FYB2: variants seen among roughly 807,000 people sequenced by gnomAD.
The protein encoded by FYB2 is FYN binding protein 2.
Under a neutral mutation model 94.1 loss-of-function variants are expected in FYB2, and 103 were observed. The ratio of observed to expected loss-of-function variants is 1.09; its 90% CI spans 0.93 to 1.29. FYB2 has a LOEUF of 1.29. Among genes scored for constraint, FYB2 ranks in the 50% most tolerant of loss-of-function variants. The pLI is 0.00. For synonymous variants in FYB2, 293 were observed against 287.9 expected, an observed-to-expected ratio of 1.02 and a Z score of -0.18; for missense variants, 896 against 841.5, an observed-to-expected ratio of 1.06 and a Z score of -0.80.
intron 18 of FYB2, 27 bp downstream of exon 18, chr1:56,720,146 T>C: frequency 6.3e-7 from 1 of 1,593,586 alleles, no homozygotes; most frequent in South Asian, 1.1e-5. Flanking sequence ...GAATGAAATA[T>C]TATGAAAGAT....
At chr1:56,787,787 T>C (rs1646165934) in intron 3 of FYB2, among the ~76,000 whole-genome samples, 1 of 152,254 alleles carries the variant, frequency 6.6e-6, no homozygotes, top group Non-Finnish European at 1.5e-5. Context: ...GCCCATTTTA[T>C]GGCAAAAGAC....
chr1:56,763,283 A>G (rs1331679892), intron 5 of FYB2, among the ~76,000 whole-genome samples: 2 of 152,198 alleles, frequency 1.3e-5, no homozygotes, highest in Non-Finnish European at 2.9e-5. Flanking sequence ...TAGCTTTAAA[A>G]AAATGTGTTT....
At chr1:56,825,935 C>T in the FYB2 span, among the ~76,000 whole-genome samples, 1 of 152,228 alleles carries the variant, frequency 6.6e-6, no homozygotes, top group East Asian at 1.9e-4. Flanking sequence ...CATCCTCTTT[C>T]CTGAGCAGAA....
chr1:56,814,749 C>T (rs899980361), intron 1 of FYB2, among the ~76,000 whole-genome samples: 2 of 152,310 alleles, frequency 1.3e-5, no homozygotes, highest in South Asian at 4.1e-4. Context: ...AAGAGCAGAC[C>T]ATCCTTATAG....
At position 56,792,648 on chromosome 1, in the gene FYB2, G is replaced by C. The variant is rs768219149; in HGVS notation, c.165C>G (p.Leu55=). 2.5e-6 allele frequency: 4 copies of C among 1,613,980 alleles called. No individual in the cohort carries two copies. The highest frequency in any genetic ancestry group is 3.4e-6 in the Non-Finnish European group (4 of 1,180,018). The change falls in exon 2 of 20, where the codon CTC becomes CTG. Residue 55 remains leucine (L), a synonymous_variant. Coordinates refer to ENST00000343433, the MANE Select transcript of FYB2 (RefSeq NM_001004303.5). ...GTGTGCGCTGCTTGTGGTTGGATGA[G>C]AGGGGTTTCCCATTGGCCAAAATTT... ...STQILANGKP[L]SSNHKQRTPY...
chr1:56,805,031 T>G (rs935143987), intron 1 of FYB2, among the ~76,000 whole-genome samples: 1 of 152,200 alleles, frequency 6.6e-6, no homozygotes, highest in Admixed American at 6.5e-5. Context: ...TATTCATCTT[T>G]TGAGATTTTT....
chr1:56,780,800 C>A (rs746770114), intron 4 of FYB2, among the ~76,000 whole-genome samples: 7 of 152,016 alleles, frequency 4.6e-5, no homozygotes, highest in Non-Finnish European at 1.0e-4. Flanking sequence ...GAAAAACAGG[C>A]CAATCAGTGG....
At chr1:56,763,077 C>T (rs1456491127) in intron 5 of FYB2, among the ~76,000 whole-genome samples, 1 of 152,134 alleles carries the variant, frequency 6.6e-6, no homozygotes, top group Non-Finnish European at 1.5e-5. Flanking sequence ...CATCTCTGCA[C>T]CCTTATATAC....
intron 12 of FYB2, among the ~76,000 whole-genome samples, chr1:56,741,563 C>T (rs568798584): frequency 2.0e-5 from 3 of 152,142 alleles, no homozygotes; most frequent in East Asian, 3.9e-4. Flanking sequence ...AACCAGCATG[C>T]CCAGTTCAGG....
At chr1:56,771,964 AG>A (rs1018472422) in intron 4 of FYB2, among the ~76,000 whole-genome samples, 1 of 151,600 alleles carries the variant, frequency 6.6e-6, no homozygotes, top group Non-Finnish European at 1.5e-5. Flanking sequence ...CATATTTTCT[AG>A]TTTTCTTTTG....
At chr1:56,737,024 T>C in intron 15 of FYB2, 63 bp downstream of exon 15, 1 of 1,243,238 alleles carries the variant, frequency 8.0e-7, no homozygotes. Flanking sequence ...TGATCATAAT[T>C]AAGAAAGCAT....
chr1:56,751,528 C>T (rs1388298897), intron 8 of FYB2, among the ~76,000 whole-genome samples: 3 of 152,000 alleles, frequency 2.0e-5, no homozygotes, highest in African/African-American at 7.2e-5. Context: ...ATCATCAGTT[C>T]TCTTGATAAA....
chr1:56,824,140 C>G (rs1016843611), upstream of FYB2: 2 of 152,180 alleles, frequency 1.3e-5, no homozygotes, highest in African/African-American at 4.8e-5. Flanking sequence ...ATCCGCAGGT[C>G]AGTTGGTATC....
the FYB2 span, chr1:56,825,210 G>T: frequency 2.0e-5 from 3 of 152,210 alleles, no homozygotes; most frequent in Non-Finnish European, 4.4e-5. Flanking sequence ...AATAAAGAAG[G>T]CAGGGCACAT....
At chr1:56,804,325 G>C (rs1646588744) in intron 1 of FYB2, among the ~76,000 whole-genome samples, 1 of 152,162 alleles carries the variant, frequency 6.6e-6, no homozygotes, top group Non-Finnish European at 1.5e-5. Flanking sequence ...AACAGCAAAT[G>C]AAATGAGTGA....
At chr1:56,768,127 A>T (rs1309124902) in intron 4 of FYB2, among the ~76,000 whole-genome samples, 189 bp from the exon 5 acceptor site, 1 of 152,226 alleles carries the variant, frequency 6.6e-6, no homozygotes, top group Non-Finnish European at 1.5e-5. Flanking sequence ...CAATGCAAAG[A>T]CTTGTGTAAA....
intron 13 of FYB2, among the ~76,000 whole-genome samples, chr1:56,739,653 G>A (rs1005767246): frequency 6.6e-6 from 1 of 152,038 alleles, no homozygotes; most frequent in Non-Finnish European, 1.5e-5. Context: ...CTTTACAGTG[G>A]TGTGAAAGCA....
At chr1:56,735,181 G>A (rs1310748075) in intron 15 of FYB2, among the ~76,000 whole-genome samples, 2 of 152,124 alleles carry the variant, frequency 1.3e-5, no homozygotes, top group African/African-American at 4.8e-5. Flanking sequence ...AGCACTATAT[G>A]CAATAGCCAA....
chr1:56,747,287 A>T (rs1645090068), intron 9 of FYB2, among the ~76,000 whole-genome samples: 1 of 151,176 alleles, frequency 6.6e-6, no homozygotes, highest in African/African-American at 2.4e-5. Context: ...AAGTTCTGAG[A>T]TACATGTGCA....
Sources: gnomAD v4.1 joint callset for allele counts (sites outside exome capture counted in the v4.1 genomes callset) on GRCh38, gnomAD v4.1.1 for gene constraint, MANE v1.5 for transcripts, NCBI Gene and HGNC (gene_info 2026-07-23, HGNC 2026-07-21) for gene names.